SRP72: variants seen among roughly 807,000 people sequenced by gnomAD.
SRP72 encodes the protein signal recognition particle 72, also known as signal recognition particle subunit SRP72.
SRP72 carries 49 observed loss-of-function variants against 96.3 expected under a neutral mutation model. The ratio of observed to expected loss-of-function variants is 0.51; its 90% CI spans 0.40 to 0.65. The LOEUF (loss-of-function observed/expected upper bound fraction) is 0.65. Ranked by LOEUF, SRP72 falls within the 30% of genes least tolerant of loss-of-function variation. The pLI is 0.00. For synonymous variants in SRP72, 267 were observed against 275.2 expected, an observed-to-expected ratio of 0.97 and a Z score of 0.30; for missense variants, 736 against 793.3, an observed-to-expected ratio of 0.93 and a Z score of 0.87.
At chr4:56,467,856 A>AACCCCCCCGTC in intron 1 of SRP72, 112 bp downstream of exon 1, 1 of 1,050,228 alleles carries the variant, frequency 9.5e-7, no homozygotes, top group South Asian at 2.2e-5. Flanking sequence ...AGACCCCCGA[A>AACCCCCCCGTC]ACCCCCCCGT....
intron 1 of SRP72, 87 bp from the exon 2 acceptor site, chr4:56,469,566 C>T (rs1719880989): frequency 7.6e-7 from 1 of 1,315,604 alleles, no homozygotes; most frequent in Non-Finnish European, 1.0e-6. Flanking sequence ...AGAAATTTAG[C>T]TTTCGGAGAG....
chr4:56,483,491 A>T (rs1236416862), intron 9 of SRP72, among the ~76,000 whole-genome samples: 5 of 152,046 alleles, frequency 3.3e-5, no homozygotes, highest in African/African-American at 4.8e-5. Flanking sequence ...AGTGGGCGGA[A>T]TGCCTGAGTT....
chr4:56,484,891 C>A, intron 10 of SRP72, 27 bp downstream of exon 10: 1 of 1,598,284 alleles, frequency 6.3e-7, no homozygotes. Context: ...AATGAGGTGT[C>A]AGACATTTGC....
At position 56,502,518 on chromosome 4, in the gene SRP72, T is replaced by C. The variant is rs982694310; in HGVS notation, c.*657T>C. ...ATACATATATATATATATATAAACA[T>C]GAAATATATATATATGGCTCCTTTG... On this transcript the variant is annotated 3_prime_UTR_variant, in exon 19 of 19. Transcript: ENST00000642900. 5 of 143,848 alleles carry C rather than the reference T, an allele frequency of 3.5e-5. No individual in the cohort carries two copies. The highest frequency in any genetic ancestry group is 1.3e-4 in the African/African-American group (5 of 39,386). 8.9% of individuals were successfully genotyped at this position (143,848 alleles called of 1,614,324 possible). A position where few individuals can be genotyped will look rare whatever the true frequency, so the allele number is the denominator to read the frequency against.
At chr4:56,497,855 C>T (rs999941302) in intron 17 of SRP72, among the ~76,000 whole-genome samples, 6 of 152,176 alleles carry the variant, frequency 3.9e-5, no homozygotes, top group Non-Finnish European at 5.9e-5. Flanking sequence ...ATTTCACCAA[C>T]ACTGGGTATT....
chr4:56,474,421 T>C, intron 5 of SRP72, 30 bp downstream of exon 5: 1 of 1,577,592 alleles, frequency 6.3e-7, no homozygotes, highest in Non-Finnish European at 8.7e-7. Context: ...TATCTGTAAA[T>C]ATAACGTGCA....
At chr4:56,498,031 A>G (rs189837745) in intron 17 of SRP72, among the ~76,000 whole-genome samples, 2 of 152,194 alleles carry the variant, frequency 1.3e-5, no homozygotes, top group East Asian at 1.9e-4. Flanking sequence ...TTCTTTCTAT[A>G]TTAAGGATTT....
chr4:56,495,296 A>G, intron 16 of SRP72, 61 bp from the exon 17 acceptor site: 1 of 1,216,698 alleles, frequency 8.2e-7, no homozygotes, highest in Non-Finnish European at 1.2e-6. Flanking sequence ...TAGAGCACTT[A>G]CTTAATGCTC....
rs1048009271 is a variant in SRP72 at position 56,502,474 on chromosome 4, TATATATATGTATATATATATAC to T, written c.*622_*643del. 5 of 102,366 alleles carry T rather than the reference TATATATATGTATATATATATAC, an allele frequency of 4.9e-5. No individual in the cohort carries two copies. The highest frequency in any genetic ancestry group is 1.8e-4 in the African/African-American group (4 of 22,368). The allele number at this position is 102,366 out of a possible 1,614,324, so 6.3% of individuals were successfully genotyped here. ...GGGATACTTTTCATGTTTATATATA[TATATATATGTATATATATATAC>T]ATATATATATATATATAAACATGAA... On this transcript the variant is annotated 3_prime_UTR_variant, in exon 19 of 19. Transcript: ENST00000642900.
intron 2 of SRP72, 69 bp from the exon 3 acceptor site, chr4:56,471,651 G>T: frequency 6.4e-7 from 1 of 1,556,992 alleles, no homozygotes; most frequent in East Asian, 2.3e-5. Flanking sequence ...GTTTAGAGTG[G>T]TGTTGTATAT....
chr4:56,495,288 G>A (rs1476961537), intron 16 of SRP72, 69 bp from the exon 17 acceptor site: 5 of 1,083,474 alleles, frequency 4.6e-6, no homozygotes, highest in Non-Finnish European at 1.3e-6. Context: ...AACTCTTATA[G>A]AGCACTTACT....
intron 17 of SRP72, among the ~76,000 whole-genome samples, chr4:56,496,984 T>C (rs1294720972): frequency 6.6e-6 from 1 of 152,016 alleles, no homozygotes; most frequent in African/African-American, 2.4e-5. Flanking sequence ...TGAGACCCTC[T>C]CCCTGCCCCC....
intron 17 of SRP72, among the ~76,000 whole-genome samples, chr4:56,497,395 A>G (rs1721114926): frequency 6.6e-6 from 1 of 151,268 alleles, no homozygotes; most frequent in Admixed American, 6.6e-5. Flanking sequence ...AATTTTTTGT[A>G]TTTTTAGTAG....
At chr4:56,467,774 C>T in intron 1 of SRP72, 30 bp downstream of exon 1, 1 of 1,448,178 alleles carries the variant, frequency 6.9e-7, no homozygotes, top group Non-Finnish European at 9.1e-7. Flanking sequence ...CTGGGGCGGG[C>T]CCAGGCCGGC....
rs1003837378 is a variant in SRP72 at position 56,501,611 on chromosome 4, C to G, written c.1839-73C>G. 24 of 1,346,282 alleles carry G rather than the reference C, an allele frequency of 1.8e-5. No individual in the cohort carries two copies. The African/African-American group carries it at 2.6e-4, about 15-fold the overall frequency. The allele number at this position is 1,346,282 out of a possible 1,614,324, so 83.4% of individuals were successfully genotyped here. A position where few individuals can be genotyped will look rare whatever the true frequency, so the allele number is the denominator to read the frequency against. ...AGATTGTTAAGTGTGATAAGTAAAA[C>G]CCATGTACATACATTTTTATACTCT... On this transcript the variant is annotated intron_variant, in intron 18 of 18. Transcript: ENST00000642900.
At chr4:56,479,211 G>A (rs1158694107) in intron 8 of SRP72, among the ~76,000 whole-genome samples, 2 of 151,902 alleles carry the variant, frequency 1.3e-5, no homozygotes, top group East Asian at 1.9e-4. Context: ...ACCGAGTCTC[G>A]CTCTGTCGCC....
intron 13 of SRP72, among the ~76,000 whole-genome samples, chr4:56,490,118 G>T (rs532059301): frequency 3.3e-5 from 5 of 152,156 alleles, no homozygotes; most frequent in Non-Finnish European, 7.4e-5. Flanking sequence ...TTGTTTTCCA[G>T]ATTCATCAAT....
chr4:56,481,787 T>TTTG (rs1720498746), intron 8 of SRP72, among the ~76,000 whole-genome samples: 2 of 150,224 alleles, frequency 1.3e-5, no homozygotes, highest in Non-Finnish European at 3.0e-5. Flanking sequence ...TTTTTTTTTT[T>TTTG]TTAAGATGGA....
At chr4:56,501,625 T>C in intron 18 of SRP72, 59 bp from the exon 19 acceptor site, 1 of 1,498,088 alleles carries the variant, frequency 6.7e-7, no homozygotes, top group Non-Finnish European at 9.1e-7. Context: ...TGTACATACA[T>C]TTTTATACTC....
Sources: gnomAD v4.1 joint callset for allele counts (sites outside exome capture counted in the v4.1 genomes callset) on GRCh38, gnomAD v4.1.1 for gene constraint, MANE v1.5 for transcripts, NCBI Gene and HGNC (gene_info 2026-07-23, HGNC 2026-07-21) for gene names.